Variants in TEX22 observed in about 807,000 individuals in gnomAD.
TEX22 encodes testis-expressed protein 22.
TEX22 carries 16 observed loss-of-function variants against 11.3 expected under a neutral mutation model. The observed-to-expected ratio is 1.42, with a 90% CI of 0.96 to 2.15. The LOEUF is 2.15. Ranked by LOEUF, TEX22 falls within the 30% of genes most tolerant of loss-of-function variation. TEX22 has a pLI of 0.00. For synonymous variants in TEX22, 97 were observed against 92.3 expected (o/e 1.05, Z -0.29); for missense variants, 220 against 208.6 (o/e 1.05, Z -0.34).
chr14:105,411,433 G>A lies in TEX22; in HGVS notation c.216G>A (p.Arg72=), dbSNP rs2081690026. Residue 72 remains arginine, a synonymous_variant, in exon 3 of 4, where the codon CGG becomes CGA. Coordinates refer to ENST00000451127, the MANE Select transcript of TEX22 (RefSeq NM_001195082.2). ...RRWSVSIDER[R]RLATLGGRER... ...GGAGCGTCAGCATCGACGAGCGCCG[G>A]CGGCTGGCCACGCTGGGCGGCCGGG... 2.4e-6 allele frequency: 3 copies of A among 1,244,748 alleles called. No homozygotes were observed. The South Asian group carries it at 1.0e-4, about 43-fold the overall frequency. 77.1% of individuals were successfully genotyped at this position (1,244,748 alleles called of 1,614,324 possible).
intron 2 of TEX22, among the ~76,000 whole-genome samples, chr14:105,407,969 T>C (rs1399402194): frequency 2.6e-5 from 4 of 152,132 alleles, no homozygotes; most frequent in Admixed American, 2.6e-4. Context: ...GGGTCTATTT[T>C]GTTTGTGGCC....
chr14:105,400,131 A>T (rs1355178574), intron 2 of TEX22, among the ~76,000 whole-genome samples: 1 of 152,136 alleles, frequency 6.6e-6, no homozygotes, highest in Non-Finnish European at 1.5e-5. Flanking sequence ...AGGCTGAGAG[A>T]TGGCTCTAGG....
intron 2 of TEX22, among the ~76,000 whole-genome samples, chr14:105,402,759 A>G (rs1053110858): frequency 4.4e-4 from 67 of 151,382 alleles, no homozygotes; most frequent in Non-Finnish European, 7.4e-4. Flanking sequence ...CCGTCTCAAA[A>G]AAAAAAAAAA....
Position 105,411,516 on chromosome 14 carries a change from T to TTC in TEX22, c.279+20_279+21insTC. ...TGCAGGGTGCGCGGGGGGCGGGTCCTCCCCGCCCCGTCCCCGCCCCGCCCC... is the reference window on the plus strand; with the variant it reads ...TGCAGGGTGCGCGGGGGGCGGGTCCTTCCCCCGCCCCGTCCCCGCCCCGCCCC... On this transcript the variant is annotated intron_variant, in intron 3 of 3. Transcript: ENST00000451127. The TTC allele has an allele frequency of 2.8e-6, 3 of 1,068,496 alleles. No homozygotes were observed. Among genetic ancestry groups the TTC allele is most frequent in the Non-Finnish European group, 3.4e-6 (3 of 869,738 alleles). 66.2% of individuals were successfully genotyped at this position (1,068,496 alleles called of 1,614,324 possible). A position where few individuals can be genotyped will look rare whatever the true frequency, so the allele number is the denominator to read the frequency against.
chr14:105,403,091 A>G (rs587715010), intron 2 of TEX22, among the ~76,000 whole-genome samples: 26 of 152,330 alleles, frequency 1.7e-4, no homozygotes, highest in African/African-American at 6.0e-4. Context: ...GGCATCCTCA[A>G]CAAGCAAGCA....
At chr14:105,406,196 G>C (rs587718896) in intron 2 of TEX22, among the ~76,000 whole-genome samples, 83 of 152,346 alleles carry the variant, frequency 5.4e-4, no homozygotes, top group Middle Eastern at 3.4e-3. Flanking sequence ...GGATCTGGAA[G>C]TGATAAGTGC....
At chr14:105,402,706 A>G (rs587747118) in intron 2 of TEX22, among the ~76,000 whole-genome samples, 10 of 149,232 alleles carry the variant, frequency 6.7e-5, no homozygotes, top group South Asian at 4.3e-4. Flanking sequence ...CAGTGAGACG[A>G]GATTGCGCTA....
chr14:105,401,697 T>C (rs900750024), intron 2 of TEX22, among the ~76,000 whole-genome samples: 23 of 152,070 alleles, frequency 1.5e-4, no homozygotes, highest in African/African-American at 5.5e-4. Context: ...CAAACCTGCA[T>C]GTTGTGCACA....
At chr14:105,408,794 G>A (rs887728154) in intron 2 of TEX22, among the ~76,000 whole-genome samples, 2 of 151,890 alleles carry the variant, frequency 1.3e-5, no homozygotes, top group South Asian at 2.1e-4. Flanking sequence ...AGGGTGTAGC[G>A]CCCCTTCCCC....
chr14:105,409,208 A>G (rs2081675478), intron 2 of TEX22, among the ~76,000 whole-genome samples: 1 of 151,742 alleles, frequency 6.6e-6, no homozygotes, highest in African/African-American at 2.4e-5. Context: ...CCTCCTGTCT[A>G]CAGGACCCCT....
At position 105,412,562 on chromosome 14, in the gene TEX22, T is replaced by A. The variant is rs1298713609; in HGVS notation, c.*729T>A. ...TGGTCCACTGGGTGACTGCCTCGTTTCCAGGCTGCAGGGCCCTCGGAAGGG... is the reference window on the plus strand; with the variant it reads ...TGGTCCACTGGGTGACTGCCTCGTTACCAGGCTGCAGGGCCCTCGGAAGGG... On this transcript the variant is annotated 3_prime_UTR_variant, in exon 4 of 4. Coordinates refer to ENST00000451127, the MANE Select transcript of TEX22 (RefSeq NM_001195082.2). The surrounding 1 kb of genome is among the most constrained non-coding windows in gnomAD (Gnocchi z 5.8). 5 of 152,290 alleles carry A rather than the reference T, an allele frequency of 3.3e-5. No individual in the cohort carries two copies. Among genetic ancestry groups the A allele is most frequent in the African/African-American group, 1.2e-4 (5 of 41,396 alleles). The allele number at this position is 152,290 out of a possible 1,614,324, so 9.4% of individuals were successfully genotyped here.
chr14:105,398,662 GCCCACGTACCC>G (rs2081600422), intron 1 of TEX22, 27 bp downstream of exon 1: 1 of 152,424 alleles, frequency 6.6e-6, no homozygotes, highest in Admixed American at 6.5e-5. Context: ...GTCTCCGGGT[GCCCACGTACCC>G]CCCACCTCCG....
chr14:105,401,246 AAAG>A (rs1566983572), intron 2 of TEX22, among the ~76,000 whole-genome samples: 2 of 152,232 alleles, frequency 1.3e-5, no homozygotes, highest in Non-Finnish European at 2.9e-5. Context: ...TATGTAAATA[AAAG>A]AAGATTGTAA....
chr14:105,402,500 A>G (rs1310361483), intron 2 of TEX22, among the ~76,000 whole-genome samples: 2 of 151,972 alleles, frequency 1.3e-5, no homozygotes, highest in African/African-American at 4.8e-5. Context: ...CACGCCTGTA[A>G]TCCCAGCACT....
rs150689732 is a variant in TEX22, at chr14:105,404,880, G to A, written c.150+5390G>A. Among the ~76,000 whole-genome samples the A allele has an allele frequency of 5.8e-3, 879 of 152,306 alleles. 13 individuals are homozygous for A. Among genetic ancestry groups the A allele is most frequent in the African/African-American group, 0.02 (819 of 41,550 alleles). ...GAAGTAGGAAGTGTCTGAGTAAACT[G>A]AAACTGACAGTCACTGGATGTCACT... On this transcript the variant is annotated intron_variant, in intron 2 of 3. Coordinates refer to ENST00000451127, the MANE Select transcript of TEX22 (RefSeq NM_001195082.2).
At chr14:105,411,525 C>CCGT in intron 3 of TEX22, 29 bp downstream of exon 3, 1 of 1,056,540 alleles carries the variant, frequency 9.5e-7, no homozygotes, top group Non-Finnish European at 1.2e-6. Context: ...CTCCCCGCCC[C>CCGT]GTCCCCGCCC....
In TEX22 at chr14:105,411,463, G is replaced by A; in HGVS notation, c.246G>A (p.Arg82=). The change falls in exon 3 of 4, where the codon AGG becomes AGA. Residue 82 remains arginine (R), a synonymous_variant. Transcript: ENST00000451127. ...RRLATLGGRE[R]PGAAGTQLHC... ...TGGCCACGCTGGGCGGCCGGGAGAG[G>A]CCGGGCGCCGCCGGGACCCAGCTGC... The A allele has an allele frequency of 8.1e-7, 1 of 1,232,534 alleles. No individual in the cohort carries two copies. The highest frequency in any genetic ancestry group is 1.0e-6 in the Non-Finnish European group (1 of 989,782). 76.3% of individuals were successfully genotyped at this position (1,232,534 alleles called of 1,614,324 possible). A position where few individuals can be genotyped will look rare whatever the true frequency, so the allele number is the denominator to read the frequency against.
intron 2 of TEX22, among the ~76,000 whole-genome samples, chr14:105,402,565 T>A (rs185631991): frequency 1.2e-3 from 186 of 151,772 alleles, no homozygotes; most frequent in Non-Finnish European, 2.2e-3. Context: ...CCATCCTGGC[T>A]AACACGGTGA....
chr14:105,411,520 C>CCCCCCCCTGGG, intron 3 of TEX22, 24 bp downstream of exon 3: 1 of 1,119,860 alleles, frequency 8.9e-7, no homozygotes. Flanking sequence ...GGGTCCTCCC[C>CCCCCCCCTGGG]GCCCCGTCCC....
Sources: gnomAD v4.1 joint callset for allele counts (sites outside exome capture counted in the v4.1 genomes callset) on GRCh38, gnomAD v4.1.1 for gene constraint, Gnocchi (gnomAD v3.1) non-coding constraint, MANE v1.5 for transcripts, NCBI Gene and HGNC (gene_info 2026-07-23, HGNC 2026-07-21) for gene names.